The following AFF1 variants were observed in gnomAD, a reference collection of about 807,000 sequenced individuals.
AFF1 encodes AF4/FMR2 family member 1.
A neutral mutation model predicts 121.7 loss-of-function variants in AFF1; 48 were observed. The observed-to-expected ratio is 0.39, with a 90% CI of 0.31 to 0.50. The LOEUF is 0.50. Among genes scored for constraint, AFF1 ranks in the 20% least tolerant of loss-of-function variants. The probability of loss-of-function intolerance (pLI) is 0.76; values close to 1 mark genes in which losing one functional copy is unlikely to be tolerated. For missense variants in AFF1, 1,523 were observed against 1,511.7 expected (o/e 1.01, Z -0.12); for synonymous variants, 613 against 563.0 (o/e 1.09, Z -1.26).
chr4:87,101,541 T>C (rs1373297057), intron 8 of AFF1, among the ~76,000 whole-genome samples: 2 of 151,430 alleles, frequency 1.3e-5, no homozygotes, highest in African/African-American at 2.4e-5. Flanking sequence ...ATGGTGCCAC[T>C]GCACTCCAGC....
intron 2 of AFF1, among the ~76,000 whole-genome samples, chr4:87,015,450 ATGT>A (rs1382775112): frequency 6.6e-6 from 1 of 152,224 alleles, no homozygotes; most frequent in Non-Finnish European, 1.5e-5. Flanking sequence ...AGAATTATTA[ATGT>A]TGTTCAGATT....
At chr4:87,080,968 C>T (rs1185473327) in intron 4 of AFF1, among the ~76,000 whole-genome samples, 1 of 152,020 alleles carries the variant, frequency 6.6e-6, no homozygotes, top group Non-Finnish European at 1.5e-5. Flanking sequence ...TTTTGGTATA[C>T]ACAAAAGTAT....
intron 2 of AFF1, among the ~76,000 whole-genome samples, chr4:87,029,815 T>C (rs1012094131): frequency 6.6e-6 from 1 of 152,194 alleles, no homozygotes; most frequent in Non-Finnish European, 1.5e-5. Context: ...CAACACACAC[T>C]TCACAACACC....
intron 2 of AFF1, among the ~76,000 whole-genome samples, chr4:87,008,860 C>T (rs1726441994): frequency 6.6e-6 from 1 of 152,102 alleles, no homozygotes; most frequent in Non-Finnish European, 1.5e-5. Context: ...AGGTGCTTGT[C>T]TATATAATCT....
chr4:86,994,822 A>G (rs1247517862), intron 2 of AFF1, among the ~76,000 whole-genome samples: 2 of 152,192 alleles, frequency 1.3e-5, no homozygotes, highest in Non-Finnish European at 2.9e-5. Flanking sequence ...GGTTGGTGGC[A>G]TTAGAGAACT....
chr4:87,040,035 G>A (rs952365990), intron 2 of AFF1, among the ~76,000 whole-genome samples: 5 of 152,164 alleles, frequency 3.3e-5, no homozygotes, highest in East Asian at 1.9e-4. Flanking sequence ...GGGATTACAA[G>A]CACGTGCCAC....
At chr4:86,962,468 T>C (rs1722223323) in intron 2 of AFF1, among the ~76,000 whole-genome samples, 1 of 152,210 alleles carries the variant, frequency 6.6e-6, no homozygotes, top group Non-Finnish European at 1.5e-5. Context: ...ATTTAATAAA[T>C]ATTAATTTTC....
intron 2 of AFF1, among the ~76,000 whole-genome samples, chr4:87,022,931 G>C (rs142779621): frequency 6.6e-6 from 1 of 151,790 alleles, no homozygotes; most frequent in Non-Finnish European, 1.5e-5. Context: ...AATATAGATG[G>C]AGTCTCTGTT....
chr4:87,039,832 CTT>C (rs1729938823), intron 2 of AFF1, among the ~76,000 whole-genome samples: 1 of 152,164 alleles, frequency 6.6e-6, no homozygotes. Context: ...AGTGGTCAGA[CTT>C]TGCATCCTCC....
At chr4:87,074,435 T>C (rs1303534251) in intron 4 of AFF1, among the ~76,000 whole-genome samples, 5 of 152,234 alleles carry the variant, frequency 3.3e-5, no homozygotes, top group South Asian at 2.1e-4. Context: ...TCTTAGACCA[T>C]TGGGGATTCT....
At chr4:87,082,676 G>T (rs1046450011) in intron 4 of AFF1, among the ~76,000 whole-genome samples, 1 of 152,092 alleles carries the variant, frequency 6.6e-6, no homozygotes, top group Admixed American at 6.6e-5. Context: ...CAATCTGCCC[G>T]CCTCGGCCTC....
At chr4:87,015,978 T>A (rs1317154604) in intron 2 of AFF1, among the ~76,000 whole-genome samples, 1 of 152,168 alleles carries the variant, frequency 6.6e-6, no homozygotes, top group Non-Finnish European at 1.5e-5. Flanking sequence ...GTCAGGAGTT[T>A]GAGAGCAGCC....
At chr4:86,992,344 G>C (rs1724796189) in intron 2 of AFF1, among the ~76,000 whole-genome samples, 1 of 152,138 alleles carries the variant, frequency 6.6e-6, no homozygotes, top group East Asian at 1.9e-4. Context: ...CTTAGAGCCA[G>C]GAATATTGTG....
chr4:87,128,790 G>A (rs1439507646), intron 16 of AFF1, among the ~76,000 whole-genome samples: 2 of 152,226 alleles, frequency 1.3e-5, no homozygotes, highest in African/African-American at 4.8e-5. Flanking sequence ...CTCTAGCCCT[G>A]TTCCTAAAAC....
rs1389458379 is a variant in AFF1 at position 87,125,108 on chromosome 4, ATCT to A, written c.2541_2543del (p.Ser850del). The A allele has an allele frequency of 6.2e-7, 1 of 1,610,870 alleles. No individual in the cohort carries two copies. Among genetic ancestry groups the A allele is most frequent in the Non-Finnish European group, 8.5e-7 (1 of 1,178,216 alleles). The stretch of plus-strand genomic sequence containing the variant: ...AGGAAATCAAATCACAGTCATCTTC[ATCT>A]TCATCCTCCCACAAAGAATCTTCTA... On this transcript the variant is annotated inframe_deletion, in exon 13 of 21. Transcript: ENST00000395146.
intron 2 of AFF1, among the ~76,000 whole-genome samples, chr4:87,022,662 G>GTGTGTGTATATATATAGC (rs1553918503): frequency 0.27 from 19,596 of 73,366 alleles, 3,921 homozygotes; most frequent in East Asian, 0.4. Flanking sequence ...GTATATATAT[G>GTGTGTGTATATATATAGC]TGTGTGTATA....
chr4:87,116,816 TATGGG>T (rs1032786057), intron 12 of AFF1, among the ~76,000 whole-genome samples: 3 of 151,806 alleles, frequency 2.0e-5, no homozygotes, highest in African/African-American at 7.2e-5. Context: ...AAACTTTTTG[TATGGG>T]ATGGGGTGGG....
intron 2 of AFF1, among the ~76,000 whole-genome samples, chr4:86,964,672 G>A (rs1722409280): frequency 6.6e-6 from 1 of 151,420 alleles, no homozygotes; most frequent in Non-Finnish European, 1.5e-5. Context: ...GAGCTCAGGT[G>A]ATCCACCTGC....
chr4:87,128,779 T>C (rs528010999), intron 16 of AFF1, among the ~76,000 whole-genome samples: 6 of 152,320 alleles, frequency 3.9e-5, no homozygotes, highest in African/African-American at 1.4e-4. Flanking sequence ...AAGACAAGCC[T>C]CTCTAGCCCT....
Sources: gnomAD v4.1 joint callset for allele counts (sites outside exome capture counted in the v4.1 genomes callset) on GRCh38, gnomAD v4.1.1 for gene constraint, MANE v1.5 for transcripts, NCBI Gene and HGNC (gene_info 2026-07-23, HGNC 2026-07-21) for gene names.